MAD1L1: variants seen among roughly 807,000 people sequenced by gnomAD.
MAD1L1 encodes mitotic spindle assembly checkpoint protein MAD1.
A neutral mutation model predicts 96.9 loss-of-function variants in MAD1L1; 95 were observed. The observed-to-expected ratio is 0.98, with a 90% confidence interval of 0.83 to 1.16. The LOEUF (loss-of-function observed/expected upper bound fraction) is 1.16. Ranked by LOEUF, MAD1L1 falls within the 50% of genes most tolerant of loss-of-function variation. The probability of loss-of-function intolerance (pLI) is 0.00; values close to 1 mark genes in which losing one functional copy is unlikely to be tolerated. For missense variants in MAD1L1, 1,007 were observed against 954.4 expected, an observed-to-expected ratio of 1.06 and a Z score of -0.73; for synonymous variants, 473 against 396.6, an observed-to-expected ratio of 1.19 and a Z score of -2.29.
intron 16 of MAD1L1, among the ~76,000 whole-genome samples, chr7:1,953,318 G>A (rs1779583177): frequency 1.3e-5 from 2 of 152,192 alleles, no homozygotes; most frequent in African/African-American, 4.8e-5. Flanking sequence ...ACGTCACAGG[G>A]CTCTTGTCTG....
At position 1,957,720 on chromosome 7, in the gene MAD1L1, C is replaced by A; in HGVS notation, c.1506-1G>T. 1 of 1,614,116 alleles carries A rather than the reference C, an allele frequency of 6.2e-7. No homozygotes were observed. The highest frequency in any genetic ancestry group is 8.5e-7 in the Non-Finnish European group (1 of 1,179,996). ...GCCTTCCAGCTCCTCGACCTTCAAC[C>A]TGCAAGGACAGCAAGACGGTGACCA... On this transcript the variant is annotated splice_acceptor_variant, in intron 15 of 18. Transcript: ENST00000265854. LOFTEE classifies it high-confidence loss of function.
chr7:2,170,292 C>T (rs943153917), intron 10 of MAD1L1, among the ~76,000 whole-genome samples: 15 of 152,256 alleles, frequency 9.9e-5, no homozygotes, highest in African/African-American at 2.7e-4. Flanking sequence ...CCATCCCCAA[C>T]TGCCACCAGA....
chr7:1,935,822 A>C (rs897418360), intron 17 of MAD1L1, among the ~76,000 whole-genome samples: 15 of 152,230 alleles, frequency 9.9e-5, no homozygotes, highest in African/African-American at 3.6e-4. Context: ...CCCACCACAG[A>C]TGAGCCTGCA....
chr7:2,128,566 C>A (rs1008423813), intron 11 of MAD1L1, among the ~76,000 whole-genome samples: 4 of 152,234 alleles, frequency 2.6e-5, no homozygotes, highest in Non-Finnish European at 5.9e-5. Flanking sequence ...CCAGAGGCCT[C>A]GCAAAGGGCA....
At chr7:2,117,823 G>A (rs1787787452) in intron 11 of MAD1L1, among the ~76,000 whole-genome samples, 1 of 152,146 alleles carries the variant, frequency 6.6e-6, no homozygotes. Context: ...CCCTGCCAGG[G>A]AGAGGACAGC....
At chr7:1,871,643 A>G (rs1785109400) in intron 18 of MAD1L1, among the ~76,000 whole-genome samples, 1 of 146,966 alleles carries the variant, frequency 6.8e-6, no homozygotes, top group South Asian at 2.2e-4. Context: ...AACCCAACAT[A>G]CGCCTGCCAT....
At chr7:1,928,316 C>A (rs1292722904) in intron 17 of MAD1L1, among the ~76,000 whole-genome samples, 2 of 151,924 alleles carry the variant, frequency 1.3e-5, no homozygotes, top group Admixed American at 6.5e-5. Flanking sequence ...CTCCCGACGA[C>A]CCGCCGGTCC....
intron 14 of MAD1L1, among the ~76,000 whole-genome samples, chr7:2,001,294 C>T (rs550884883): frequency 1.3e-5 from 2 of 152,298 alleles, no homozygotes; most frequent in South Asian, 4.1e-4. Context: ...CACGCACGCA[C>T]GCATGCCCCA....
In MAD1L1 at chr7:2,219,592, A is replaced by G. The variant is rs1376299628; in HGVS notation, c.472-136T>C. ...ATCAGGGCAGGAGGCAGAGGGGCAG[A>G]GGAATAAGGGGGCAGAGGGGCATCG... On this transcript the variant is annotated intron_variant, in intron 5 of 18. Transcript: ENST00000265854. 8.1e-6 allele frequency: 5 copies of G among 620,172 alleles called. No homozygotes were observed. The African/African-American group carries it at 1.0e-4, about 13-fold the overall frequency. 38.4% of individuals were successfully genotyped at this position (620,172 alleles called of 1,614,324 possible).
intron 11 of MAD1L1, among the ~76,000 whole-genome samples, chr7:2,134,922 G>A (rs1035004030): frequency 2.0e-4 from 30 of 152,184 alleles, no homozygotes; most frequent in African/African-American, 6.0e-4. Flanking sequence ...TCAACTGCCC[G>A]GAATGCTGCA....
chr7:2,186,779 C>T (rs1166211287), intron 10 of MAD1L1, among the ~76,000 whole-genome samples: 1 of 151,502 alleles, frequency 6.6e-6, no homozygotes, highest in East Asian at 1.9e-4. Flanking sequence ...AACATCAAAA[C>T]TATTTTCTTT....
chr7:1,869,616 G>A (rs1233348755), intron 18 of MAD1L1, among the ~76,000 whole-genome samples: 1 of 152,166 alleles, frequency 6.6e-6, no homozygotes, highest in East Asian at 1.9e-4. Flanking sequence ...CCATGTTCCA[G>A]CCTGGCTGTG....
intron 11 of MAD1L1, among the ~76,000 whole-genome samples, chr7:2,121,237 G>A (rs994420664): frequency 2.0e-5 from 3 of 152,244 alleles, no homozygotes; most frequent in South Asian, 2.1e-4. Flanking sequence ...AGGTGTAGGC[G>A]CTGGGTGCTG....
Position 2,043,812 on chromosome 7 carries a change from G to A in MAD1L1, c.1218+25382C>T, listed in dbSNP as rs114157931. 9.8e-3 allele frequency among the ~76,000 whole-genome samples: 1,494 copies of A among 152,340 alleles called. 23 individuals are homozygous for A. The highest frequency in any genetic ancestry group is 0.034 in the African/African-American group (1,401 of 41,582). On this transcript the variant is annotated intron_variant, in intron 12 of 18. Transcript: ENST00000265854. ...GCCCATTCTCTCCTCCCAACACCCC[G>A]CACTGCCCAACATAGACATAAGCTG...
intron 14 of MAD1L1, among the ~76,000 whole-genome samples, chr7:1,983,158 A>G (rs145793288): frequency 6.6e-4 from 16 of 24,302 alleles, no homozygotes; most frequent in South Asian, 3.8e-3. Flanking sequence ...GCGCGCGCAC[A>G]CACACACACA....
At chr7:2,095,757 C>T (rs959904253) in intron 11 of MAD1L1, among the ~76,000 whole-genome samples, 14 of 152,288 alleles carry the variant, frequency 9.2e-5, no homozygotes, top group Admixed American at 6.5e-5. Flanking sequence ...GCAGGGAAGC[C>T]GTGAGGAGAG....
intron 16 of MAD1L1, among the ~76,000 whole-genome samples, chr7:1,952,321 C>T (rs748371291): frequency 5.9e-5 from 9 of 152,244 alleles, no homozygotes; most frequent in Non-Finnish European, 1.0e-4. Flanking sequence ...GCCTCCCCGG[C>T]GGCCCGGTCC....
At chr7:1,820,730 G>A (rs1782078173) in intron 18 of MAD1L1, among the ~76,000 whole-genome samples, 1 of 151,920 alleles carries the variant, frequency 6.6e-6, no homozygotes, top group Non-Finnish European at 1.5e-5. Flanking sequence ...GCAACAGAGT[G>A]AAACCCTGTC....
Position 1,957,703 on chromosome 7 carries a change from G to C in MAD1L1, c.1522C>G (p.Leu508Val), listed in dbSNP as rs1320251307. 3 of 1,614,036 alleles carry C rather than the reference G, an allele frequency of 1.9e-6. No individual in the cohort carries two copies. The highest frequency in any genetic ancestry group is 1.7e-5 in the Admixed American group (1 of 60,012). Residue 508 changes from leucine to valine, a missense_variant, in exon 16 of 19, where the codon CTG becomes GTG. Coordinates refer to ENST00000265854, the MANE Select transcript of MAD1L1 (RefSeq NM_001013836.2). ...TCCAGCCGACTCCGCTCGCCTTCCA[G>C]CTCCTCGACCTTCAACCTGCAAGGA... ...ADTLRLKVEE[L>V]EGERSRLEEE... is the part of the protein sequence containing the mutation.
Sources: gnomAD v4.1 joint callset for allele counts (sites outside exome capture counted in the v4.1 genomes callset) on GRCh38, gnomAD v4.1.1 for gene constraint, MANE v1.5 for transcripts, NCBI Gene and HGNC (gene_info 2026-07-23, HGNC 2026-07-21) for gene names.